NPEPL1: variants seen among roughly 807,000 people sequenced by gnomAD.
NPEPL1 encodes probable aminopeptidase NPEPL1.
In NPEPL1, 45 loss-of-function variants were observed where a neutral mutation model predicts 52.4. The ratio of observed to expected loss-of-function variants is 0.86; its 90% confidence interval spans 0.68 to 1.10. NPEPL1 has a LOEUF of 1.10. Ranked by LOEUF, NPEPL1 falls within the 50% of genes least tolerant of loss-of-function variation. The probability of loss-of-function intolerance (pLI) is 0.00; values close to 1 mark genes in which losing one functional copy is unlikely to be tolerated. For missense variants in NPEPL1, 696 were observed against 710.9 expected (o/e 0.98, Z 0.24); for synonymous variants, 360 against 314.7 (o/e 1.14, Z -1.52).
chr20:58,691,244 A>T, upstream of NPEPL1: 1 of 683,376 alleles, frequency 1.5e-6, no homozygotes, highest in Non-Finnish European at 2.7e-6. Flanking sequence ...ACCCTTTACC[A>T]ATGTGTGAAA....
At position 58,715,215 on chromosome 20, in the gene NPEPL1, C is replaced by A. The variant is rs373873091; in HGVS notation, c.1461C>A (p.Phe487Leu). The A allele has an allele frequency of 1.6e-5, 26 of 1,608,116 alleles. No individual in the cohort carries two copies. In the South Asian group the frequency reaches 2.9e-4, roughly 18 times the overall value. Reference sequence around the variant, plus strand: ...GTGTGGCCCTCCTGCTGGCGCTCTTCGGCCGTGCCTCTGAGGACCCTCTGC... The same window carrying A: ...GTGTGGCCCTCCTGCTGGCGCTCTTAGGCCGTGCCTCTGAGGACCCTCTGC... ...GFGVALLLAL[F>L]GRASEDPLLN... Residue 487 changes from phenylalanine (F) to leucine (L), a missense_variant, in exon 12 of 12, where the codon TTC becomes TTA. Phe to Leu is a conservative substitution (Grantham distance 22, BLOSUM62 0). Coordinates refer to ENST00000356091, the MANE Select transcript of NPEPL1 (RefSeq NM_024663.4).
chr20:58,703,562 T>G (rs2084677958), intron 6 of NPEPL1: 1 of 985,170 alleles, frequency 1.0e-6, no homozygotes, highest in Non-Finnish European at 1.2e-6. Context: ...AGATGCTTGT[T>G]TTTGATGTCG....
intron 6 of NPEPL1, 87 bp from the exon 7 acceptor site, chr20:58,707,036 T>TG (rs1433118843): frequency 3.1e-5 from 32 of 1,027,958 alleles, no homozygotes; most frequent in Non-Finnish European, 3.9e-5. Flanking sequence ...GGGGCTAGCG[T>TG]GGGGCCGGGT....
At chr20:58,690,581 C>T (rs2084328338), upstream of NPEPL1, among the ~76,000 whole-genome samples, 1 of 152,200 alleles carries the variant, frequency 6.6e-6, no homozygotes, top group African/African-American at 2.4e-5. Flanking sequence ...CCTTAGCGTT[C>T]TGTTTAGTTT....
chr20:58,694,365 C>T, intron 2 of NPEPL1, 57 bp from the exon 3 acceptor site: 1 of 1,526,816 alleles, frequency 6.5e-7, no homozygotes. Context: ...GAGCAGCTCC[C>T]TGCACTCCCT....
chr20:58,712,751 C>A, intron 8 of NPEPL1, 172 bp downstream of exon 8: 1 of 692,864 alleles, frequency 1.4e-6, no homozygotes. Context: ...GCAGGCGCAC[C>A]TCACGTTGAG....
chr20:58,706,188 T>C (rs2084729806), intron 6 of NPEPL1, among the ~76,000 whole-genome samples: 1 of 152,158 alleles, frequency 6.6e-6, no homozygotes, highest in South Asian at 2.1e-4. Context: ...GTGGCCCCTC[T>C]TTAGACCCAG....
rs554757252 is a variant in NPEPL1, at chr20:58,713,991, G to A, written c.1200G>A (p.Ala400=). ...SAEWEAACVK[A]GRKCGDLVHP... ...AGTGGGAGGCCGCCTGTGTGAAGGC[G>A]GGCAGGAAGTGTGGGGACCTGGTGC... Residue 400 remains alanine, a synonymous_variant, in exon 10 of 12, where the codon GCG becomes GCA. Coordinates refer to ENST00000356091, the MANE Select transcript of NPEPL1 (RefSeq NM_024663.4). This position sits in a 1 kb window ranked among gnomAD's most constrained non-coding sequence, Gnocchi z 4.6. 2.1e-5 allele frequency: 32 copies of A among 1,523,524 alleles called. No individual in the cohort carries two copies. The highest frequency in any genetic ancestry group is 7.5e-5 in the South Asian group (6 of 79,612). The allele number at this position is 1,523,524 out of a possible 1,614,324, so 94.4% of individuals were successfully genotyped here. A position where few individuals can be genotyped will look rare whatever the true frequency, so the allele number is the denominator to read the frequency against.
chr20:58,712,569 T>C lies in NPEPL1; in HGVS notation c.991T>C (p.Tyr331His). Residue 331 changes from tyrosine to histidine, a missense_variant, in exon 8 of 12, where the codon TAC becomes CAC. Tyr to His is a moderately conservative substitution (Grantham distance 83). Coordinates refer to ENST00000356091, the MANE Select transcript of NPEPL1 (RefSeq NM_024663.4). ...AAGGCCAGATGACATCCACCTGCTG[T>C]ACTCAGGGAAGTACGTCTGGCCCTC... Reference protein sequence around the residue: ...ATRPDDIHLLYSGKTVEINNT... With the variant: ...ATRPDDIHLLHSGKTVEINNT... The C allele has an allele frequency of 1.2e-6, 2 of 1,611,872 alleles. No individual in the cohort carries two copies. Among genetic ancestry groups the C allele is most frequent in the East Asian group, 4.5e-5 (2 of 44,848 alleles).
chr20:58,693,648 G>A, intron 1 of NPEPL1, 89 bp from the exon 2 acceptor site: 1 of 1,194,302 alleles, frequency 8.4e-7, no homozygotes. Context: ...GACTGCAGGA[G>A]TGGTTGTGGC....
chr20:58,712,122 T>C (rs2084860293), intron 7 of NPEPL1, among the ~76,000 whole-genome samples: 1 of 152,178 alleles, frequency 6.6e-6, no homozygotes, highest in South Asian at 2.1e-4. Flanking sequence ...CGTGTGTGTG[T>C]GTGTGTATTG....
In NPEPL1 at chr20:58,692,916, C is replaced by A; in HGVS notation, c.16C>A (p.Leu6Met). 9.1e-7 allele frequency: 1 copy of A among 1,095,234 alleles called. No homozygotes were observed. The highest frequency in any genetic ancestry group is 1.1e-6 in the Non-Finnish European group (1 of 894,596). 67.8% of individuals were successfully genotyped at this position (1,095,234 alleles called of 1,614,324 possible). ...CGGCAGGAAGATGGCGAACGTGGGGCTGCAGTTCCAGGCGAGCGCGGGGGA... is the reference window on the plus strand; with the variant it reads ...CGGCAGGAAGATGGCGAACGTGGGGATGCAGTTCCAGGCGAGCGCGGGGGA... MANVG[L>M]QFQASAGDSD... Residue 6 changes from leucine to methionine, a missense_variant, in exon 1 of 12, where the codon CTG becomes ATG. Coordinates refer to ENST00000356091, the MANE Select transcript of NPEPL1 (RefSeq NM_024663.4). The surrounding 1 kb of genome is among the most constrained non-coding windows in gnomAD (Gnocchi z 5.7).
chr20:58,692,059 C>T (rs2084359736), upstream of NPEPL1: 2 of 577,056 alleles, frequency 3.5e-6, no homozygotes, highest in East Asian at 5.7e-5. This position sits in a 1 kb window ranked among gnomAD's most constrained non-coding sequence, Gnocchi z 5.7. Context: ...TTCCTCGTCT[C>T]ATCTCGTCCC....
chr20:58,694,917 CGTGT>C (rs566594874), intron 3 of NPEPL1, among the ~76,000 whole-genome samples: 12 of 152,136 alleles, frequency 7.9e-5, no homozygotes, highest in Non-Finnish European at 1.2e-4. Flanking sequence ...GATGTATGCA[CGTGT>C]GTGTGTATGT....
At chr20:58,704,041 A>G (rs2084689084) in intron 6 of NPEPL1, 1 of 985,344 alleles carries the variant, frequency 1.0e-6, no homozygotes, top group Non-Finnish European at 1.2e-6. Context: ...TGGATTTGGG[A>G]TCAACCAGCA....
chr20:58,698,695 T>C lies in NPEPL1; in HGVS notation c.519T>C (p.Asn173=). 3 of 1,612,760 alleles carry C rather than the reference T, an allele frequency of 1.9e-6. No individual in the cohort carries two copies. Among genetic ancestry groups the C allele is most frequent in the Non-Finnish European group, 2.5e-6 (3 of 1,179,822 alleles). The change falls in exon 4 of 12, where the codon AAT becomes AAC. Residue 173 remains asparagine, a synonymous_variant. Coordinates refer to ENST00000356091, the MANE Select transcript of NPEPL1 (RefSeq NM_024663.4). ...CTTTTTCTCCCTAGTGCTTAGCGAA[T>C]GCCACAGACGGCGTGCGGCTAGCAG... The part of the protein sequence containing the change: ...VEVSTLQCLA[N]ATDGVRLAAR...
At chr20:58,706,949 A>G (rs1179393312) in intron 6 of NPEPL1, among the ~76,000 whole-genome samples, 174 bp from the exon 7 acceptor site, 16 of 149,942 alleles carry the variant, frequency 1.1e-4, no homozygotes, top group Admixed American at 5.3e-4. Flanking sequence ...CACTTGGCCA[A>G]TATGAGGTTC....
At chr20:58,691,119 C>A (rs1369456428), upstream of NPEPL1, 1 of 703,286 alleles carries the variant, frequency 1.4e-6, no homozygotes, top group Non-Finnish European at 2.6e-6. Flanking sequence ...GCCTTAGTCT[C>A]TCACCCTCTA....
chr20:58,690,935 C>T (rs2084332821), upstream of NPEPL1: 1 of 543,918 alleles, frequency 1.8e-6, no homozygotes, highest in Non-Finnish European at 3.3e-6. Flanking sequence ...GCTCCCCAGT[C>T]GATCTCCTCA....
Sources: allele counts gnomAD v4.1 joint callset (sites outside exome capture counted in the v4.1 genomes callset), GRCh38; gene constraint gnomAD v4.1.1; non-coding constraint Gnocchi (gnomAD v3.1); transcripts MANE v1.5; gene names NCBI Gene and HGNC (gene_info 2026-07-23, HGNC 2026-07-21).